Variants in PMPCB observed in about 807,000 individuals in gnomAD.
PMPCB encodes mitochondrial-processing peptidase subunit beta.
In PMPCB, 46 loss-of-function variants were observed where a neutral mutation model predicts 61.5. The observed-to-expected ratio is 0.75, with a 90% CI of 0.59 to 0.96. The LOEUF (loss-of-function observed/expected upper bound fraction) is 0.96. Ranked by LOEUF, PMPCB falls within the 40% of genes least tolerant of loss-of-function variation. The pLI is 0.00. For synonymous variants in PMPCB, 191 were observed against 201.6 expected, an observed-to-expected ratio of 0.95 and a Z score of 0.44; for missense variants, 590 against 602.4, an observed-to-expected ratio of 0.98 and a Z score of 0.22.
At chr7:103,333,995 G>GGCTGGAGT (rs1408853073), downstream of PMPCB, among the ~76,000 whole-genome samples, 1 of 149,688 alleles carries the variant, frequency 6.7e-6, no homozygotes, top group Non-Finnish European at 1.5e-5. Flanking sequence ...CTGTTGCCCA[G>GGCTGGAGT]GCTGGAGTGC....
At position 103,307,717 on chromosome 7, in the gene PMPCB, A is replaced by G; in HGVS notation, c.849+9A>G. 2 of 1,448,984 alleles carry G rather than the reference A, an allele frequency of 1.4e-6. No individual in the cohort carries two copies. Among genetic ancestry groups the G allele is most frequent in the Non-Finnish European group, 1.9e-6 (2 of 1,029,562 alleles). The allele number at this position is 1,448,984 out of a possible 1,614,324, so 89.8% of individuals were successfully genotyped here. ...AATTCACAGGAAGTGAGGTAGGGCA[A>G]GCCTTCCAGCTAGTATTTAGCCTTT... On this transcript the variant is annotated intron_variant, in intron 7 of 12. Transcript: ENST00000249269.
chr7:103,322,805 G>C (rs1818492950), intron 12 of PMPCB: 1 of 1,588,046 alleles, frequency 6.3e-7, no homozygotes, highest in African/African-American at 1.3e-5. Context: ...CTATAAAATA[G>C]AAAATATTGG....
the PMPCB span, among the ~76,000 whole-genome samples, chr7:103,343,086 G>T: frequency 6.6e-6 from 1 of 151,668 alleles, no homozygotes; most frequent in African/African-American, 2.4e-5. Context: ...TGCAACCTCC[G>T]CCTCCCGGGT....
At chr7:103,329,055 A>T in exon 13 of PMPCB, 1 of 1,175,888 alleles carries the variant, frequency 8.5e-7, no homozygotes, top group East Asian at 6.3e-5. Flanking sequence ...ACGTCTAATT[A>T]TTTAAAATTT....
At chr7:103,320,510 C>CA (rs1393780421) in intron 12 of PMPCB, among the ~76,000 whole-genome samples, 1 of 151,918 alleles carries the variant, frequency 6.6e-6, no homozygotes, top group Non-Finnish European at 1.5e-5. Context: ...AAAACTGTCC[C>CA]AGCACTTTGG....
Position 103,312,778 on chromosome 7 carries a change from CTAGAAAGT to C in PMPCB, c.*509_*516del. The C allele has an allele frequency of 6.6e-7, 1 of 1,510,800 alleles. No homozygotes were observed. The highest frequency in any genetic ancestry group is 8.8e-7 in the Non-Finnish European group (1 of 1,138,186). The allele number at this position is 1,510,800 out of a possible 1,614,324, so 93.6% of individuals were successfully genotyped here. ...TACTGATTTCATTATCTGCCAGGGCCTAGAAAGTTTCTAAGGTTGCTCATTTCTTCCTC... is the reference window on the plus strand; with the variant it reads ...TACTGATTTCATTATCTGCCAGGGCCTTCTAAGGTTGCTCATTTCTTCCTC... On this transcript the variant is annotated 3_prime_UTR_variant, in exon 13 of 13. Transcript: ENST00000249269.
chr7:103,303,764 T>A, intron 4 of PMPCB, 78 bp from the exon 5 acceptor site: 1 of 961,196 alleles, frequency 1.0e-6, no homozygotes, highest in Admixed American at 2.5e-5. Context: ...TGTCATGATT[T>A]CTGATTTTGG....
At chr7:103,301,491 C>A (rs1368014113) in intron 4 of PMPCB, among the ~76,000 whole-genome samples, 1 of 152,168 alleles carries the variant, frequency 6.6e-6, no homozygotes, top group Non-Finnish European at 1.5e-5. Flanking sequence ...CCTTTATTTA[C>A]ACAGAACAAC....
At chr7:103,328,044 T>C (rs10245155) in intron 12 of PMPCB, among the ~76,000 whole-genome samples, 34,591 of 151,770 alleles carry the variant, frequency 0.23, 6,154 homozygotes, top group African/African-American at 0.5. Context: ...CCTCAGCCTC[T>C]GGAGTAACTG....
At chr7:103,303,693 T>C (rs1044769435) in intron 4 of PMPCB, 149 bp from the exon 5 acceptor site, 10 of 583,938 alleles carry the variant, frequency 1.7e-5, no homozygotes, top group African/African-American at 1.3e-4. Context: ...AATTTTGTCC[T>C]GTTAAGTATA....
chr7:103,319,263 C>G (rs1695944115), downstream of PMPCB, among the ~76,000 whole-genome samples: 1 of 152,020 alleles, frequency 6.6e-6, no homozygotes, highest in African/African-American at 2.4e-5. Flanking sequence ...ATGGTGAAAC[C>G]CTGTCTCTAC....
At position 103,307,651 on chromosome 7, in the gene PMPCB, A is replaced by C. The variant is rs1229401304; in HGVS notation, c.792A>C (p.Leu264Phe). 1.2e-6 allele frequency: 2 copies of C among 1,613,600 alleles called. No individual in the cohort carries two copies. The highest frequency in any genetic ancestry group is 1.1e-5 in the South Asian group (1 of 91,074). ...CAAAGTTTCATTTCGGTGACTCTTT[A>C]TGCACACACAAAGGAGAAATACCAG... Reference protein sequence around the residue: ...DLAKFHFGDSLCTHKGEIPAL... With the variant: ...DLAKFHFGDSFCTHKGEIPAL... Residue 264 changes from leucine (L) to phenylalanine (F), a missense_variant, in exon 7 of 13, where the codon TTA becomes TTC. Transcript: ENST00000249269.
Position 103,313,224 on chromosome 7 carries a change from T to G in PMPCB, c.*953T>G. ...GGGATGTGTCATTTTGAAAATAAACTTGTAGAGATGAGAGATACATATAGC... is the reference window on the plus strand; with the variant it reads ...GGGATGTGTCATTTTGAAAATAAACGTGTAGAGATGAGAGATACATATAGC... On this transcript the variant is annotated 3_prime_UTR_variant, in exon 13 of 13. Coordinates refer to ENST00000249269, the MANE Select transcript of PMPCB (RefSeq NM_004279.3). 3 of 1,453,698 alleles carry G rather than the reference T, an allele frequency of 2.1e-6. No individual in the cohort carries two copies. The highest frequency in any genetic ancestry group is 2.7e-5 in the Admixed American group (1 of 36,628). The allele number at this position is 1,453,698 out of a possible 1,614,324, so 90.0% of individuals were successfully genotyped here. A position where few individuals can be genotyped will look rare whatever the true frequency, so the allele number is the denominator to read the frequency against.
At chr7:103,304,222 G>A (rs1302906040) in intron 5 of PMPCB, among the ~76,000 whole-genome samples, 182 bp downstream of exon 5, 7 of 152,144 alleles carry the variant, frequency 4.6e-5, no homozygotes, top group African/African-American at 1.2e-4. Context: ...TAGGTACTTC[G>A]GGAATAAACC....
In PMPCB at chr7:103,300,274, T is replaced by A. The variant is rs777191022; in HGVS notation, c.424T>A (p.Tyr142Asn). The A allele has an allele frequency of 1.9e-6, 3 of 1,610,184 alleles. No individual in the cohort carries two copies. In the Admixed American group the frequency reaches 5.0e-5, roughly 27 times the overall value. The part of the protein sequence containing the change: ...AYTSREQTVY[Y>N]AKAFSKDLPR... ...TACCTCCAGAGAGCAGACTGTATAC[T>A]ATGCCAAAGCATTCTCTAAAGACTT... Residue 142 changes from tyrosine (Y) to asparagine (N), a missense_variant, in exon 4 of 13, where the codon TAT (tyrosine) becomes AAT (asparagine). Tyr to Asn is a moderately radical substitution (Grantham distance 143). Transcript: ENST00000249269.
chr7:103,299,971 C>T (rs550894345), intron 3 of PMPCB, among the ~76,000 whole-genome samples: 25 of 152,082 alleles, frequency 1.6e-4, no homozygotes, highest in Non-Finnish European at 1.6e-4. Flanking sequence ...ATGTTGGCCT[C>T]GATCTCTTGG....
At chr7:103,300,369 A>G (rs1488358901) in intron 4 of PMPCB, 62 bp downstream of exon 4, 4 of 1,333,508 alleles carry the variant, frequency 3.0e-6, no homozygotes, top group African/African-American at 1.5e-5. Context: ...ATTATTTAGT[A>G]CTATTTTTAT....
intron 12 of PMPCB, chr7:103,328,826 G>C (rs1374636453): frequency 9.8e-6 from 3 of 306,584 alleles, no homozygotes; most frequent in Non-Finnish European, 1.8e-5. Flanking sequence ...TTTCTCTACT[G>C]TTGGACATTT....
intron 12 of PMPCB, among the ~76,000 whole-genome samples, chr7:103,323,069 A>C (rs962733526): frequency 3.9e-5 from 6 of 152,008 alleles, no homozygotes; most frequent in African/African-American, 1.5e-4. Flanking sequence ...AGCTGGAATT[A>C]CAGGTGCCTG....
Sources: gnomAD v4.1 joint callset for allele counts (sites outside exome capture counted in the v4.1 genomes callset) on GRCh38, gnomAD v4.1.1 for gene constraint, MANE v1.5 for transcripts, NCBI Gene and HGNC (gene_info 2026-07-23, HGNC 2026-07-21) for gene names.